NRXN1: variants seen among roughly 807,000 people sequenced by gnomAD.
The protein encoded by NRXN1 is neurexin-1.
Under a neutral mutation model 150.9 loss-of-function variants are expected in NRXN1, and 39 were observed. That is an observed-to-expected ratio of 0.26 (90% CI 0.20 to 0.34). The LOEUF (loss-of-function observed/expected upper bound fraction) is 0.34, where lower values mean the gene tolerates loss of function less well. NRXN1 is among the 10% of genes least tolerant of loss of function. NRXN1 has a pLI of 1.00. For synonymous variants in NRXN1, 924 were observed against 757.0 expected (o/e 1.22, Z -3.62); for missense variants, 1,815 against 1,949.9 (o/e 0.93, Z 1.30).
At chr2:50,876,154 T>G (rs371572947) in intron 5 of NRXN1, among the ~76,000 whole-genome samples, 1 of 151,788 alleles carries the variant, frequency 6.6e-6, no homozygotes, top group African/African-American at 2.4e-5. Context: ...ATCTCAAAAT[T>G]CAAACTGTTG....
intron 18 of NRXN1, among the ~76,000 whole-genome samples, chr2:50,113,719 C>T (rs1223491166): frequency 6.6e-6 from 1 of 152,112 alleles, no homozygotes; most frequent in African/African-American, 2.4e-5. Flanking sequence ...TTGATGCTCA[C>T]GTATAATCCA....
At chr2:50,297,121 C>A (rs986955437) in intron 17 of NRXN1, among the ~76,000 whole-genome samples, 2 of 151,922 alleles carry the variant, frequency 1.3e-5, no homozygotes, top group South Asian at 2.1e-4. Flanking sequence ...AAACTCCCGA[C>A]CTTGTGATGC....
intron 21 of NRXN1, among the ~76,000 whole-genome samples, chr2:49,999,080 A>C (rs558602316): frequency 3.3e-5 from 5 of 152,132 alleles, no homozygotes; most frequent in Non-Finnish European, 5.9e-5. Context: ...GTAGCTCTGG[A>C]ATGGGAACTA....
intron 5 of NRXN1, among the ~76,000 whole-genome samples, chr2:50,872,267 T>G (rs895927631): frequency 4.0e-5 from 6 of 151,798 alleles, no homozygotes; most frequent in Admixed American, 6.6e-5. Context: ...AAAGATGAAC[T>G]AAAATGTAAT....
At chr2:50,948,044 T>C (rs972867134) in intron 2 of NRXN1, among the ~76,000 whole-genome samples, 9 of 151,978 alleles carry the variant, frequency 5.9e-5, no homozygotes, top group African/African-American at 2.2e-4. Flanking sequence ...TTATTTATTT[T>C]ATTTTAAAAT....
intron 17 of NRXN1, among the ~76,000 whole-genome samples, chr2:50,245,587 C>G (rs537292947): frequency 1.3e-5 from 2 of 151,922 alleles, no homozygotes; most frequent in South Asian, 4.2e-4. Flanking sequence ...TGTGCATGTT[C>G]CCAGTAAACT....
At chr2:50,599,242 A>G (rs1675838125) in intron 8 of NRXN1, among the ~76,000 whole-genome samples, 1 of 152,204 alleles carries the variant, frequency 6.6e-6, no homozygotes, top group Non-Finnish European at 1.5e-5. Context: ...CAGTATTACT[A>G]CAGAGTTCAT....
chr2:50,331,855 G>T (rs897559592), intron 17 of NRXN1, among the ~76,000 whole-genome samples: 2 of 152,144 alleles, frequency 1.3e-5, no homozygotes, highest in African/African-American at 2.4e-5. Flanking sequence ...ATAAGGTCTT[G>T]TTCCTCAAGC....
intron 16 of NRXN1, among the ~76,000 whole-genome samples, chr2:50,471,704 G>C (rs572482812): frequency 2.0e-5 from 3 of 151,684 alleles, no homozygotes; most frequent in African/African-American, 7.3e-5. Flanking sequence ...CACATAGAGG[G>C]GATCAACAGA....
Position 50,846,060 on chromosome 2 carries a change from G to T in NRXN1, c.832+75809C>A, listed in dbSNP as rs371393798. On this transcript the variant is annotated intron_variant, in intron 5 of 22. Coordinates refer to ENST00000401669, the MANE Select transcript of NRXN1 (RefSeq NM_001330078.2). ...TTTCTTTTCTAGCATCAGACAGTGA[G>T]TTACTAGCTATAGGGAGTAAAAGGC... Among the ~76,000 whole-genome samples the T allele has an allele frequency of 5.9e-5, 9 of 152,334 alleles. No individual in the cohort carries two copies. The South Asian group carries it at 1.9e-3, about 32-fold the overall frequency.
intron 5 of NRXN1, among the ~76,000 whole-genome samples, chr2:50,663,350 C>T (rs1230290900): frequency 3.3e-5 from 5 of 151,996 alleles, no homozygotes; most frequent in Admixed American, 1.3e-4. Flanking sequence ...AATTAACCTT[C>T]GGACTCTCCT....
At position 50,644,814 on chromosome 2, in the gene NRXN1, A is replaced by T. The variant is rs890903993; in HGVS notation, c.833-21199T>A. ...TAAAAGAAATATATATATAATATAT[A>T]TGAATATAAACATTCAGGTAGGATA... On this transcript the variant is annotated intron_variant, in intron 5 of 22. Coordinates refer to ENST00000401669, the MANE Select transcript of NRXN1 (RefSeq NM_001330078.2). Among the ~76,000 whole-genome samples, 5 of 144,226 alleles carry T rather than the reference A, an allele frequency of 3.5e-5. No individual in the cohort carries two copies. The East Asian group carries it at 9.8e-4, about 28-fold the overall frequency. The allele number at this position is 144,226 out of a possible 152,430, so 94.6% of individuals were successfully genotyped here.
At chr2:50,773,483 C>T (rs1283699930) in intron 5 of NRXN1, among the ~76,000 whole-genome samples, 1 of 152,100 alleles carries the variant, frequency 6.6e-6, no homozygotes, top group African/African-American at 2.4e-5. Flanking sequence ...AATAAATGAC[C>T]TGCACCACCC....
intron 21 of NRXN1, among the ~76,000 whole-genome samples, chr2:50,045,859 T>C (rs1691723039): frequency 6.6e-6 from 1 of 152,172 alleles, no homozygotes; most frequent in Non-Finnish European, 1.5e-5. Flanking sequence ...ATATCTCCAA[T>C]GCTGATACAG....
At chr2:50,790,803 G>T (rs993412685) in intron 5 of NRXN1, among the ~76,000 whole-genome samples, 51 of 152,234 alleles carry the variant, frequency 3.4e-4, no homozygotes, top group African/African-American at 9.9e-4. Context: ...ATGACTGGGA[G>T]GGTTTTCTTC....
At chr2:50,181,799 G>C (rs2060737563) in intron 18 of NRXN1, among the ~76,000 whole-genome samples, 1 of 152,026 alleles carries the variant, frequency 6.6e-6, no homozygotes, top group African/African-American at 2.4e-5. Context: ...CATAGTTCTA[G>C]TAATGAGCGC....
At chr2:50,147,162 C>T (rs1228432492) in intron 18 of NRXN1, among the ~76,000 whole-genome samples, 5 of 151,706 alleles carry the variant, frequency 3.3e-5, no homozygotes, top group African/African-American at 1.2e-4. Context: ...TTTCAGCAAG[C>T]ATTGCAGTTA....
At chr2:50,484,515 T>A (rs2090723305) in intron 15 of NRXN1, among the ~76,000 whole-genome samples, 1 of 152,184 alleles carries the variant, frequency 6.6e-6, no homozygotes, top group South Asian at 2.1e-4. Flanking sequence ...CTTTGAGAGC[T>A]GAATGAGCCT....
At chr2:50,109,440 T>C (rs760192200) in intron 18 of NRXN1, among the ~76,000 whole-genome samples, 2 of 152,102 alleles carry the variant, frequency 1.3e-5, no homozygotes, top group African/African-American at 2.4e-5. Context: ...AATTGAAAAT[T>C]TAGCCAAAAA....
Sources: allele counts gnomAD v4.1 joint callset (sites outside exome capture counted in the v4.1 genomes callset), GRCh38; gene constraint gnomAD v4.1.1; transcripts MANE v1.5; gene names NCBI Gene and HGNC (gene_info 2026-07-23, HGNC 2026-07-21).